FAM171A1: variants seen among roughly 807,000 people sequenced by gnomAD.
FAM171A1 encodes protein FAM171A1.
In FAM171A1, 23 loss-of-function variants were observed where a neutral mutation model predicts 74.9. That is an observed-to-expected ratio of 0.31 (90% CI 0.22 to 0.44). FAM171A1 has a LOEUF of 0.44. Ranked by LOEUF, FAM171A1 falls within the 20% of genes least tolerant of loss-of-function variation. The pLI is 1.00. For synonymous variants in FAM171A1, 527 were observed against 505.7 expected, an observed-to-expected ratio of 1.04 and a Z score of -0.57; for missense variants, 1,162 against 1,159.2, an observed-to-expected ratio of 1.00 and a Z score of -0.03.
At chr10:15,265,225 A>G (rs1834722856) in intron 3 of FAM171A1, among the ~76,000 whole-genome samples, 1 of 151,878 alleles carries the variant, frequency 6.6e-6, no homozygotes, top group African/African-American at 2.4e-5. Flanking sequence ...AGAGAGAGAA[A>G]GAGCTGCTCA....
intron 1 of FAM171A1, among the ~76,000 whole-genome samples, chr10:15,366,828 T>C (rs1278963050): frequency 1.3e-5 from 2 of 152,220 alleles, no homozygotes; most frequent in Non-Finnish European, 2.9e-5. Context: ...CAAATTAGTA[T>C]TTCCCAGCAA....
chr10:15,234,121 G>A (rs771986835), intron 5 of FAM171A1, among the ~76,000 whole-genome samples: 20 of 151,932 alleles, frequency 1.3e-4, no homozygotes, highest in Non-Finnish European at 2.6e-4. Flanking sequence ...AGTTTCAGGC[G>A]TGATGAAGGC....
At chr10:15,334,145 G>C (rs1835673509) in intron 1 of FAM171A1, among the ~76,000 whole-genome samples, 1 of 152,122 alleles carries the variant, frequency 6.6e-6, no homozygotes, top group African/African-American at 2.4e-5. Flanking sequence ...CCTAAGACTA[G>C]GACTTCTCTT....
chr10:15,370,840 C>A, intron 1 of FAM171A1, 116 bp downstream of exon 1: 1 of 312,802 alleles, frequency 3.2e-6, no homozygotes, highest in Non-Finnish European at 4.6e-6. Flanking sequence ...CGATGCGGCT[C>A]GGGCTGCGTC....
intron 1 of FAM171A1, among the ~76,000 whole-genome samples, chr10:15,320,565 A>C (rs1346324786): frequency 6.6e-6 from 1 of 152,224 alleles, no homozygotes; most frequent in Non-Finnish European, 1.5e-5. Flanking sequence ...ATAGTGGCTG[A>C]ACTAACTTAC....
At chr10:15,360,784 A>G (rs1187014661) in intron 1 of FAM171A1, among the ~76,000 whole-genome samples, 3 of 152,208 alleles carry the variant, frequency 2.0e-5, no homozygotes. Context: ...ATACAGTAAG[A>G]TTATGCCCCA....
At chr10:15,284,548 G>A (rs1835012929) in intron 1 of FAM171A1, among the ~76,000 whole-genome samples, 1 of 152,096 alleles carries the variant, frequency 6.6e-6, no homozygotes, top group African/African-American at 2.4e-5. Flanking sequence ...TCAGCCTCCT[G>A]AGTAGCTGGG....
At chr10:15,270,431 T>C (rs1345697646) in intron 3 of FAM171A1, among the ~76,000 whole-genome samples, 3 of 152,188 alleles carry the variant, frequency 2.0e-5, no homozygotes, top group Non-Finnish European at 4.4e-5. Context: ...TGCCTGCCTC[T>C]GTAGACTCCA....
chr10:15,299,708 G>A (rs746056705), intron 1 of FAM171A1, among the ~76,000 whole-genome samples: 47 of 152,046 alleles, frequency 3.1e-4, no homozygotes, highest in Non-Finnish European at 3.8e-4. Context: ...GGCCGGGTGC[G>A]GTGGCTCATG....
intron 6 of FAM171A1, among the ~76,000 whole-genome samples, chr10:15,218,187 C>T (rs1010493202): frequency 2.0e-5 from 3 of 152,092 alleles, no homozygotes; most frequent in Non-Finnish European, 4.4e-5. Flanking sequence ...TCGGATAATT[C>T]TCCTGCCTCA....
chr10:15,292,568 C>T (rs1318828120), intron 1 of FAM171A1, among the ~76,000 whole-genome samples: 1 of 152,152 alleles, frequency 6.6e-6, no homozygotes, highest in Non-Finnish European at 1.5e-5. Flanking sequence ...GTAACTTCCC[C>T]AACCCGGGCT....
chr10:15,354,646 A>G (rs2131883291), intron 1 of FAM171A1, among the ~76,000 whole-genome samples: 1 of 152,294 alleles, frequency 6.6e-6, no homozygotes, highest in South Asian at 2.1e-4. Context: ...ACATAAAGAG[A>G]AGAAACAGGC....
intron 1 of FAM171A1, among the ~76,000 whole-genome samples, chr10:15,364,707 T>C (rs1244393677): frequency 2.0e-5 from 3 of 152,226 alleles, no homozygotes; most frequent in Non-Finnish European, 4.4e-5. Context: ...CCTGCATTCC[T>C]TCTGGAGGCT....
intron 1 of FAM171A1, among the ~76,000 whole-genome samples, chr10:15,352,601 T>C (rs1835892225): frequency 1.3e-5 from 2 of 152,234 alleles, no homozygotes; most frequent in Admixed American, 1.3e-4. Flanking sequence ...GCAGTGATTT[T>C]AAGTTTTAAA....
intron 1 of FAM171A1, among the ~76,000 whole-genome samples, chr10:15,330,357 TC>T (rs1835613007): frequency 6.6e-6 from 1 of 152,086 alleles, no homozygotes; most frequent in South Asian, 2.1e-4. Context: ...TACCACAGTG[TC>T]AAAATCATGA....
intron 2 of FAM171A1, 31 bp from the exon 3 acceptor site, chr10:15,275,978 T>C (rs1197076515): frequency 6.6e-7 from 1 of 1,511,388 alleles, no homozygotes; most frequent in South Asian, 1.2e-5. Context: ...TAGAAGGGGA[T>C]TTTAATAGTC....
At chr10:15,360,556 T>TCATGAC (rs1468169970) in intron 1 of FAM171A1, among the ~76,000 whole-genome samples, 15 of 152,212 alleles carry the variant, frequency 9.9e-5, no homozygotes, top group African/African-American at 3.6e-4. Context: ...GCTGAGCTTG[T>TCATGAC]CATGACCAGG....
At chr10:15,345,448 C>T (rs1395650530) in intron 1 of FAM171A1, among the ~76,000 whole-genome samples, 2 of 152,150 alleles carry the variant, frequency 1.3e-5, no homozygotes, top group Admixed American at 1.3e-4. Context: ...GGGACAACAC[C>T]TGATGCTTTA....
rs964769657 is a variant in FAM171A1 at position 15,213,020 on chromosome 10, G to C, written c.2568C>G (p.Ala856=). 2.5e-6 allele frequency: 4 copies of C among 1,613,916 alleles called. No individual in the cohort carries two copies. Among genetic ancestry groups the C allele is most frequent in the Non-Finnish European group, 3.4e-6 (4 of 1,180,004 alleles). The change falls in exon 8 of 8, where the codon GCC becomes GCG. Residue 856 remains alanine, a synonymous_variant. Transcript: ENST00000378116. This position sits in a 1 kb window ranked among gnomAD's most constrained non-coding sequence, Gnocchi z 6.8. ...PAASPHQRRS[A]HEEEEDDDDD... ...CATCATCGTCTTCCTCTTCCTCGTG[G>C]GCAGATCTTCTCTGGTGGGGGCTGG...
Sources: gnomAD v4.1 joint callset for allele counts (sites outside exome capture counted in the v4.1 genomes callset) on GRCh38, gnomAD v4.1.1 for gene constraint, Gnocchi (gnomAD v3.1) non-coding constraint, MANE v1.5 for transcripts, NCBI Gene and HGNC (gene_info 2026-07-23, HGNC 2026-07-21) for gene names.